The following DUSP29 variants were observed in gnomAD, a reference collection of about 807,000 sequenced individuals.
DUSP29 encodes dual specificity phosphatase 29, also known as atypical dual-specific protein phosphatase.
In DUSP29, 12 loss-of-function variants were observed where a neutral mutation model predicts 13.5. That is an observed-to-expected ratio of 0.89 (90% CI 0.57 to 1.44). DUSP29 has a LOEUF of 1.44. Ranked by LOEUF, DUSP29 falls within the 40% of genes most tolerant of loss-of-function variation. The pLI, the probability that DUSP29 is intolerant of heterozygous loss-of-function variation, is 0.00. For synonymous variants in DUSP29, 134 were observed against 128.7 expected, an observed-to-expected ratio of 1.04 and a Z score of -0.28; for missense variants, 308 against 301.1, an observed-to-expected ratio of 1.02 and a Z score of -0.17.
chr10:75,054,568 A>G (rs1439456139), intron 2 of DUSP29, among the ~76,000 whole-genome samples: 1 of 152,236 alleles, frequency 6.6e-6, no homozygotes, highest in African/African-American at 2.4e-5. Context: ...ATATTCGGAA[A>G]GTCTAGGAGG....
intron 1 of DUSP29, among the ~76,000 whole-genome samples, chr10:75,065,482 C>A (rs976944345): frequency 9.9e-5 from 15 of 152,028 alleles, no homozygotes; most frequent in Non-Finnish European, 2.2e-4. Flanking sequence ...GCACCCGCCA[C>A]CCCACCCGGC....
intron 1 of DUSP29, among the ~76,000 whole-genome samples, chr10:75,064,454 A>G (rs1287200207): frequency 2.0e-5 from 3 of 152,114 alleles, no homozygotes; most frequent in Non-Finnish European, 4.4e-5. Context: ...GTTGCAGTGA[A>G]CCGAGATCGC....
At chr10:75,045,608 G>A (rs1299438889) in intron 2 of DUSP29, among the ~76,000 whole-genome samples, 1 of 152,180 alleles carries the variant, frequency 6.6e-6, no homozygotes, top group African/African-American at 2.4e-5. Flanking sequence ...GAGTTGGAGA[G>A]AAAGCGTTTC....
At chr10:75,040,118 G>A (rs1466462122) in intron 3 of DUSP29, among the ~76,000 whole-genome samples, 1 of 152,148 alleles carries the variant, frequency 6.6e-6, no homozygotes, top group Non-Finnish European at 1.5e-5. Context: ...GGAGGTTGCA[G>A]TGAGTGGAGA....
intron 1 of DUSP29, among the ~76,000 whole-genome samples, 165 bp from the exon 2 acceptor site, chr10:75,058,713 A>C (rs187430895): frequency 1.4e-4 from 22 of 152,340 alleles, no homozygotes; most frequent in Admixed American, 1.0e-3. Context: ...GTAAACAAGG[A>C]AGGCCATGAT....
rs992958641 is a variant in DUSP29, at chr10:75,043,925, G to A, written c.293C>T (p.Pro98Leu). 8.7e-6 allele frequency: 14 copies of A among 1,613,894 alleles called. No homozygotes were observed. The highest frequency in any genetic ancestry group is 1.7e-5 in the Admixed American group (1 of 60,030). The change falls in exon 3 of 4, where the codon CCC becomes CTC. Residue 98 changes from proline (P) to leucine (L), a missense_variant. Pro to Leu is a moderately conservative substitution (Grantham distance 98). Coordinates refer to ENST00000338487, the MANE Select transcript of DUSP29 (RefSeq NM_001003892.3). ...AHGRWNVDTG[P>L]DYYRDMDIQY... ...GATGTCCATGTCGCGGTAGTAGTCGGGCCCAGTGTCCACGTTCCAGCGGCC... is the reference window on the plus strand; with the variant it reads ...GATGTCCATGTCGCGGTAGTAGTCGAGCCCAGTGTCCACGTTCCAGCGGCC...
intron 2 of DUSP29, among the ~76,000 whole-genome samples, chr10:75,047,758 G>A (rs1564640749): frequency 6.6e-6 from 1 of 152,082 alleles, no homozygotes; most frequent in African/African-American, 2.4e-5. Context: ...AATAACACAT[G>A]CTCAATGTAG....
chr10:75,061,320 T>G (rs1237403856), intron 1 of DUSP29, among the ~76,000 whole-genome samples: 3 of 152,182 alleles, frequency 2.0e-5, no homozygotes, highest in Admixed American at 2.0e-4. Context: ...TAGCTAGCCA[T>G]GAGTGTCTGT....
intron 1 of DUSP29, among the ~76,000 whole-genome samples, chr10:75,064,812 G>GTT (rs796675096): frequency 6.8e-6 from 1 of 146,688 alleles, no homozygotes. Flanking sequence ...ACTTTTTATA[G>GTT]TTTTTTTTTT....
intron 1 of DUSP29, among the ~76,000 whole-genome samples, chr10:75,065,707 T>A (rs1847187008): frequency 6.6e-6 from 1 of 150,832 alleles, no homozygotes; most frequent in Non-Finnish European, 1.5e-5. Flanking sequence ...TTTTTTTCCG[T>A]AGAGACAGGG....
chr10:75,043,152 C>T (rs79557473), intron 3 of DUSP29, among the ~76,000 whole-genome samples: 8,804 of 152,312 alleles, frequency 0.058, 536 homozygotes, highest in East Asian at 0.16. Flanking sequence ...TCAAATACAG[C>T]GTGCCAGTAA....
intron 1 of DUSP29, among the ~76,000 whole-genome samples, chr10:75,068,321 A>G (rs1847248023): frequency 6.6e-6 from 1 of 152,062 alleles, no homozygotes; most frequent in African/African-American, 2.4e-5. Flanking sequence ...AAGATAGAGA[A>G]AAAAATAGCT....
At chr10:75,039,610 C>T (rs531154854) in intron 3 of DUSP29, among the ~76,000 whole-genome samples, 5 of 152,308 alleles carry the variant, frequency 3.3e-5, no homozygotes, top group South Asian at 2.1e-4. Context: ...GAAAATCAGA[C>T]GTAGGCTAAG....
intron 2 of DUSP29, among the ~76,000 whole-genome samples, chr10:75,052,315 T>G (rs1846851004): frequency 6.7e-6 from 1 of 149,328 alleles, no homozygotes; most frequent in Non-Finnish European, 1.5e-5. Context: ...TTTTTTTTTT[T>G]TTTTTTTCTT....
At chr10:75,055,287 T>C (rs1846934261) in intron 2 of DUSP29, among the ~76,000 whole-genome samples, 1 of 152,228 alleles carries the variant, frequency 6.6e-6, no homozygotes, top group African/African-American at 2.4e-5. Flanking sequence ...TCATTATTGC[T>C]ACTCTTATTT....
intron 2 of DUSP29, among the ~76,000 whole-genome samples, chr10:75,047,967 A>G (rs1846740540): frequency 6.6e-6 from 1 of 152,242 alleles, no homozygotes; most frequent in Admixed American, 6.5e-5. Context: ...GATATATTGT[A>G]AACATCTTCC....
intron 1 of DUSP29, among the ~76,000 whole-genome samples, chr10:75,071,930 G>A (rs532101736): frequency 1.3e-5 from 2 of 152,344 alleles, no homozygotes; most frequent in East Asian, 1.9e-4. Flanking sequence ...AGAAGATCAC[G>A]CCGACAGGCA....
At chr10:75,039,380 T>G (rs562040893) in intron 3 of DUSP29, among the ~76,000 whole-genome samples, 2 of 152,106 alleles carry the variant, frequency 1.3e-5, no homozygotes, top group Non-Finnish European at 2.9e-5. Context: ...TAGCCAGTCG[T>G]GGTGGTGCAC....
chr10:75,068,501 C>T (rs1248742526), intron 1 of DUSP29, among the ~76,000 whole-genome samples: 6 of 152,094 alleles, frequency 3.9e-5, no homozygotes, highest in Admixed American at 2.6e-4. Flanking sequence ...CCTCTCCCTT[C>T]GAAGGCATTC....
Sources: gnomAD v4.1 joint callset for allele counts (sites outside exome capture counted in the v4.1 genomes callset) on GRCh38, gnomAD v4.1.1 for gene constraint, MANE v1.5 for transcripts, NCBI Gene and HGNC (gene_info 2026-07-23, HGNC 2026-07-21) for gene names.